RTRAF: variants seen among roughly 807,000 people sequenced by gnomAD.
RTRAF encodes tRNA-splicing ligase complex subunit RTRAF.
A neutral mutation model predicts 34.4 loss-of-function variants in RTRAF; 14 were observed. The observed-to-expected ratio is 0.41, with a 90% confidence interval of 0.27 to 0.64. The LOEUF (loss-of-function observed/expected upper bound fraction) is 0.64, where lower values mean the gene tolerates loss of function less well. Ranked by LOEUF, RTRAF falls within the 30% of genes least tolerant of loss-of-function variation. The pLI is 0.34. For synonymous variants in RTRAF, 96 were observed against 95.3 expected (o/e 1.01, Z -0.04); for missense variants, 291 against 288.4 (o/e 1.01, Z -0.06).
chr14:52,001,887 A>G (rs1890606716), intron 6 of RTRAF, 21 bp downstream of exon 6: 1 of 1,591,248 alleles, frequency 6.3e-7, no homozygotes, highest in Non-Finnish European at 8.6e-7. Context: ...ATAAATCCTA[A>G]ATAAGTTGTT....
At chr14:51,997,160 T>C (rs1475189498) in intron 3 of RTRAF, among the ~76,000 whole-genome samples, 1 of 152,044 alleles carries the variant, frequency 6.6e-6, no homozygotes, top group African/African-American at 2.4e-5. Flanking sequence ...AAATATATCT[T>C]GTGGGGAGGT....
Position 52,005,246 on chromosome 14 carries a change from GTTAAAATTCTGTTACCT to G in RTRAF, c.*733_*749del. The G allele has an allele frequency of 2.6e-6, 1 of 380,182 alleles. No homozygotes were observed. Among genetic ancestry groups the G allele is most frequent in the Non-Finnish European group, 4.7e-6 (1 of 213,860 alleles). 23.6% of individuals were successfully genotyped at this position (380,182 alleles called of 1,614,324 possible). On this transcript the variant is annotated 3_prime_UTR_variant, in exon 8 of 8. Coordinates refer to ENST00000261700, the MANE Select transcript of RTRAF (RefSeq NM_016039.3). ...CAAGAAGTTGCTTTAATAAGCAACA[GTTAAAATTCTGTTACCT>G]TTTTAAACTTGCAATAACAACCTTC... is the stretch of plus-strand genomic sequence containing the variant.
At position 52,009,154 on chromosome 14, in the gene RTRAF, C is replaced by T. The variant is rs191816109; in HGVS notation, c.*4638C>T. The T allele has an allele frequency of 3.9e-5, 6 of 152,282 alleles. No homozygotes were observed. The highest frequency in any genetic ancestry group is 6.5e-5 in the Admixed American group (1 of 15,296). The allele number at this position is 152,282 out of a possible 1,614,324, so 9.4% of individuals were successfully genotyped here. A position where few individuals can be genotyped will look rare whatever the true frequency, so the allele number is the denominator to read the frequency against. ...TGTTGCGAATTTCATCCCTTATGCC[C>T]AACAGATGAAGCAGAGAGAAGCTGA... is the stretch of plus-strand genomic sequence containing the variant. On this transcript the variant is annotated 3_prime_UTR_variant, in exon 8 of 8. Coordinates refer to ENST00000261700, the MANE Select transcript of RTRAF (RefSeq NM_016039.3).
At chr14:51,996,227 A>G (rs1222787968) in intron 3 of RTRAF, among the ~76,000 whole-genome samples, 1 of 152,196 alleles carries the variant, frequency 6.6e-6, no homozygotes, top group East Asian at 1.9e-4. Flanking sequence ...TATCAAAAGT[A>G]TATTAAAAGT....
chr14:52,001,717 A>T, intron 5 of RTRAF, 81 bp from the exon 6 acceptor site: 1 of 1,036,966 alleles, frequency 9.6e-7, no homozygotes, highest in Non-Finnish European at 1.4e-6. Flanking sequence ...CAAAATGAGC[A>T]TCCTTATTCT....
chr14:52,002,088 TAAAA>T (rs1388101828), intron 6 of RTRAF, among the ~76,000 whole-genome samples: 2 of 152,134 alleles, frequency 1.3e-5, no homozygotes, highest in Non-Finnish European at 2.9e-5. Context: ...CTTTGTACCT[TAAAA>T]AAGCCACAAA....
chr14:51,992,007 C>CA (rs997622482), intron 2 of RTRAF, among the ~76,000 whole-genome samples: 1 of 151,790 alleles, frequency 6.6e-6, no homozygotes, highest in Admixed American at 6.6e-5. Context: ...CACCTTGTCT[C>CA]AAAAAAAGAC....
At position 52,006,370 on chromosome 14, in the gene RTRAF, G is replaced by C; in HGVS notation, c.*1854G>C. ...AAGGATGATTTCAAAAACATGAAAG[G>C]ATGAAAAACATCCTTGAAGGATCTT... On this transcript the variant is annotated 3_prime_UTR_variant, in exon 8 of 8. Transcript: ENST00000261700. 1 of 693,808 alleles carries C rather than the reference G, an allele frequency of 1.4e-6. No homozygotes were observed. 43.0% of individuals were successfully genotyped at this position (693,808 alleles called of 1,614,324 possible).
At chr14:51,994,479 CT>C (rs1890486411) in intron 3 of RTRAF, among the ~76,000 whole-genome samples, 1 of 152,134 alleles carries the variant, frequency 6.6e-6, no homozygotes, top group Non-Finnish European at 1.5e-5. Context: ...ATCCCTTTCC[CT>C]TCATCCCACC....
chr14:52,009,736 C>G lies in RTRAF; in HGVS notation c.*5220C>G, dbSNP rs1890934191. On this transcript the variant is annotated 3_prime_UTR_variant, in exon 8 of 8. Transcript: ENST00000261700. ...AGGGGCCGGGCGCAGTGGCTCATAC[C>G]TATAATCCCAGCACTTTGGGAGGCC... is the stretch of plus-strand genomic sequence containing the variant. 6.6e-6 allele frequency: 1 copy of G among 152,256 alleles called. No homozygotes were observed. The highest frequency in any genetic ancestry group is 6.5e-5 in the Admixed American group (1 of 15,280). The allele number at this position is 152,256 out of a possible 1,614,324, so 9.4% of individuals were successfully genotyped here.
At chr14:51,991,249 A>G in intron 1 of RTRAF, 68 bp from the exon 2 acceptor site, 4 of 1,477,470 alleles carry the variant, frequency 2.7e-6, no homozygotes, top group Non-Finnish European at 3.7e-6. Context: ...ATATATCTGA[A>G]CATATACCTG....
In RTRAF at chr14:51,989,669, C is replaced by T. The variant is rs780293081; in HGVS notation, c.30C>T (p.Asp10=). The T allele has an allele frequency of 6.8e-6, 11 of 1,606,408 alleles. No homozygotes were observed. The highest frequency in any genetic ancestry group is 1.7e-4 in the Middle Eastern group (1 of 6,052). The change falls in exon 1 of 8, where the codon GAC becomes GAT. Residue 10 remains aspartate, a synonymous_variant. Coordinates refer to ENST00000261700, the MANE Select transcript of RTRAF (RefSeq NM_016039.3). MFRRKLTAL[D]YHNPAGFNCK... ...TCCGACGCAAGTTGACGGCTCTCGA[C>T]TACCACAACCCCGCCGGCTTCAACT...
Position 52,005,906 on chromosome 14 carries a change from CAGT to C in RTRAF, c.*1391_*1393del. On this transcript the variant is annotated 3_prime_UTR_variant, in exon 8 of 8. Coordinates refer to ENST00000261700, the MANE Select transcript of RTRAF (RefSeq NM_016039.3). ...ACAGTCATTTACTAGATAAAGAAGT[CAGT>C]CAGCCACAGAAAATCAGTTGCAATA... is the stretch of plus-strand genomic sequence containing the variant. 1.2e-5 allele frequency: 8 copies of C among 692,072 alleles called. No individual in the cohort carries two copies. Among genetic ancestry groups the C allele is most frequent in the Non-Finnish European group, 1.5e-5 (8 of 528,274 alleles). 42.9% of individuals were successfully genotyped at this position (692,072 alleles called of 1,614,324 possible).
At position 52,004,182 on chromosome 14, in the gene RTRAF, C is replaced by T. The variant is rs1555361113; in HGVS notation, c.532-12C>T. 6.2e-7 allele frequency: 1 copy of T among 1,606,882 alleles called. No homozygotes were observed. Among genetic ancestry groups the T allele is most frequent in the Non-Finnish European group, 8.5e-7 (1 of 1,175,138 alleles). Reference sequence around the variant, plus strand: ...CCATAAATACTCTCATTTTGTCTTTCTTTTTTTAAAGGGCTTACCTGTTGC... The same window carrying T: ...CCATAAATACTCTCATTTTGTCTTTTTTTTTTTAAAGGGCTTACCTGTTGC... On this transcript the variant is annotated splice_polypyrimidine_tract_variant and intron_variant, in intron 6 of 7. Transcript: ENST00000261700.
At chr14:52,001,968 G>A (rs912847312) in intron 6 of RTRAF, 102 bp downstream of exon 6, 14 of 1,005,518 alleles carry the variant, frequency 1.4e-5, no homozygotes, top group African/African-American at 6.6e-5. Context: ...TCCATTCTAC[G>A]TTCTACAACT....
At chr14:51,998,929 G>C (rs1890563656) in intron 4 of RTRAF, among the ~76,000 whole-genome samples, 1 of 151,838 alleles carries the variant, frequency 6.6e-6, no homozygotes, top group Non-Finnish European at 1.5e-5. Flanking sequence ...TTAAGTCCTG[G>C]ATATCTTTTA....
intron 3 of RTRAF, among the ~76,000 whole-genome samples, chr14:51,997,208 G>A (rs1041972327): frequency 4.6e-5 from 7 of 151,852 alleles, no homozygotes; most frequent in South Asian, 4.1e-4. Context: ...TGCGCCTCAA[G>A]TTTCCCCCAC....
intron 3 of RTRAF, among the ~76,000 whole-genome samples, chr14:51,994,444 T>G (rs936703021): frequency 6.6e-6 from 1 of 152,228 alleles, no homozygotes; most frequent in African/African-American, 2.4e-5. Flanking sequence ...TTATTTACTT[T>G]GGAAGCCTTT....
chr14:51,998,632 TG>T (rs763561229), intron 4 of RTRAF, 52 bp downstream of exon 4: 4 of 1,239,946 alleles, frequency 3.2e-6, no homozygotes, highest in Admixed American at 2.3e-5. Flanking sequence ...GTTTTTTAAA[TG>T]TTTTTTTCTT....
Sources: allele counts gnomAD v4.1 joint callset (sites outside exome capture counted in the v4.1 genomes callset), GRCh38; gene constraint gnomAD v4.1.1; transcripts MANE v1.5; gene names NCBI Gene and HGNC (gene_info 2026-07-23, HGNC 2026-07-21).